THOC1: variants seen among roughly 807,000 people sequenced by gnomAD.
THOC1 encodes the protein THO complex 1.
Under a neutral mutation model 97.3 loss-of-function variants are expected in THOC1, and 29 were observed. The observed-to-expected ratio is 0.30, with a 90% CI of 0.22 to 0.41. The LOEUF is 0.41. THOC1 is among the 10% of genes least tolerant of loss of function. The pLI is 1.00. For missense variants in THOC1, 529 were observed against 761.9 expected, an observed-to-expected ratio of 0.69 and a Z score of 3.60; for synonymous variants, 255 against 257.0, an observed-to-expected ratio of 0.99 and a Z score of 0.07.
At chr18:223,581 C>A (rs1911166790) in intron 16 of THOC1, 76 bp from the exon 17 acceptor site, 2 of 1,159,876 alleles carry the variant, frequency 1.7e-6, no homozygotes, top group Non-Finnish European at 2.5e-6. Context: ...AACAGAAAAA[C>A]AATACAATGT....
At chr18:222,678 T>C (rs200670106) in intron 17 of THOC1, among the ~76,000 whole-genome samples, 1 of 145,604 alleles carries the variant, frequency 6.9e-6, no homozygotes, top group African/African-American at 2.4e-5. Context: ...AAAGAAATAA[T>C]AGAGAATGTG....
chr18:257,345 T>C (rs758885298), intron 7 of THOC1, among the ~76,000 whole-genome samples: 1 of 152,202 alleles, frequency 6.6e-6, no homozygotes, highest in Non-Finnish European at 1.5e-5. Context: ...AAAGTGATAA[T>C]GTATAACAAA....
At position 224,127 on chromosome 18, in the gene THOC1, C is replaced by A; in HGVS notation, c.1261G>T (p.Asp421Tyr). The change falls in exon 16 of 21, where the codon GAC becomes TAC. Residue 421 changes from aspartate to tyrosine, a missense_variant. By Grantham distance (160) the Asp-to-Tyr change is radical. Coordinates refer to ENST00000261600, the MANE Select transcript of THOC1 (RefSeq NM_005131.3). ...RIIRKRTAPEDFLGKGPTKKI... is the reference protein window; with the variant it reads ...RIIRKRTAPEYFLGKGPTKKI... Reference sequence around the variant, plus strand: ...TTGGTGGGTCCTTTCCCTAGGAAGTCCTCGGGTGCTGTTCTCTTCCGAATT... The same window carrying A: ...TTGGTGGGTCCTTTCCCTAGGAAGTACTCGGGTGCTGTTCTCTTCCGAATT... 1 of 1,611,640 alleles carries A rather than the reference C, an allele frequency of 6.2e-7. No individual in the cohort carries two copies. Among genetic ancestry groups the A allele is most frequent in the Non-Finnish European group, 8.5e-7 (1 of 1,178,868 alleles).
chr18:228,523 G>GA (rs2143183093), intron 11 of THOC1, among the ~76,000 whole-genome samples: 1 of 99,420 alleles, frequency 1.0e-5, no homozygotes. Flanking sequence ...TAAAATGTAA[G>GA]GGGGAAAAAA....
intron 1 of THOC1, among the ~76,000 whole-genome samples, chr18:267,717 G>T (rs2143319618): frequency 6.6e-6 from 1 of 152,314 alleles, no homozygotes; most frequent in Non-Finnish European, 1.5e-5. Flanking sequence ...CAAGCGGGGA[G>T]CCGAGGCGCC....
intron 11 of THOC1, among the ~76,000 whole-genome samples, chr18:237,735 A>G (rs1567849076): frequency 6.6e-6 from 1 of 152,244 alleles, no homozygotes; most frequent in African/African-American, 2.4e-5. Flanking sequence ...ACTAAACTGT[A>G]CAATAGTTTT....
intron 7 of THOC1, among the ~76,000 whole-genome samples, chr18:257,332 G>T (rs1912467064): frequency 1.3e-5 from 2 of 152,202 alleles, no homozygotes; most frequent in South Asian, 2.1e-4. Flanking sequence ...TTATATTAAT[G>T]AAAAAGTGAT....
At position 264,102 on chromosome 18, in the gene THOC1, G is replaced by A. The variant is rs753214553; in HGVS notation, c.190-10C>T. On this transcript the variant is annotated splice_polypyrimidine_tract_variant and intron_variant, in intron 3 of 20. Coordinates refer to ENST00000261600, the MANE Select transcript of THOC1 (RefSeq NM_005131.3). ...ATGATGAATGATTTATCTACCAACAGAGGAGAAACAATTTAATTTAGGGGC... is the reference window on the plus strand; with the variant it reads ...ATGATGAATGATTTATCTACCAACAAAGGAGAAACAATTTAATTTAGGGGC... The A allele has an allele frequency of 4.4e-6, 7 of 1,601,404 alleles. No homozygotes were observed. The Admixed American group carries it at 1.2e-4, about 27-fold the overall frequency.
intron 4 of THOC1, among the ~76,000 whole-genome samples, chr18:263,235 C>T (rs1361930752): frequency 1.3e-5 from 2 of 152,164 alleles, no homozygotes; most frequent in African/African-American, 4.8e-5. Context: ...CGCCCGACAC[C>T]GCGCCCGGCT....
At chr18:218,656 T>C (rs1216918125) in intron 18 of THOC1, among the ~76,000 whole-genome samples, 1 of 152,090 alleles carries the variant, frequency 6.6e-6, no homozygotes, top group Non-Finnish European at 1.5e-5. Flanking sequence ...GGGGAGTTTT[T>C]TTTTTCTTAT....
intron 17 of THOC1, among the ~76,000 whole-genome samples, chr18:219,541 CT>C (rs1163463621): frequency 6.6e-6 from 1 of 152,214 alleles, no homozygotes; most frequent in Non-Finnish European, 1.5e-5. Flanking sequence ...TGGCCCCATA[CT>C]TTTAGTTACA....
intron 20 of THOC1, among the ~76,000 whole-genome samples, chr18:215,176 A>AC (rs1162265775): frequency 6.6e-6 from 1 of 152,174 alleles, no homozygotes; most frequent in Non-Finnish European, 1.5e-5. Context: ...CCAATAATTA[A>AC]CAGAGGTATG....
In THOC1 at chr18:225,069, T is replaced by C; in HGVS notation, c.1137+20A>G. The stretch of plus-strand genomic sequence containing the variant: ...TCTATTTCGTGCTAAGAAGAGGATG[T>C]AAGCATAAAAAACACATACCTCTAC... On this transcript the variant is annotated intron_variant, in intron 14 of 20. Transcript: ENST00000261600. The C allele has an allele frequency of 6.4e-7, 1 of 1,570,076 alleles. No homozygotes were observed. The highest frequency in any genetic ancestry group is 1.2e-5 in the South Asian group (1 of 85,786).
chr18:215,115 A>G (rs1049900835), intron 20 of THOC1, among the ~76,000 whole-genome samples, 194 bp from the exon 21 acceptor site: 2 of 152,194 alleles, frequency 1.3e-5, no homozygotes, highest in Non-Finnish European at 2.9e-5. Flanking sequence ...TAAAGCTGTT[A>G]CCTATAATTA....
rs186300534 is a variant in THOC1, at chr18:223,809, C to T, written c.1304+275G>A. On this transcript the variant is annotated intron_variant, in intron 16 of 20. Transcript: ENST00000261600. ...TAAGAGAACTCAAGGATTATGGTACCTTGCAACAACTGGAATCTAAACAAT... is the reference window on the plus strand; with the variant it reads ...TAAGAGAACTCAAGGATTATGGTACTTTGCAACAACTGGAATCTAAACAAT... 2.6e-5 allele frequency among the ~76,000 whole-genome samples: 4 copies of T among 152,090 alleles called. No individual in the cohort carries two copies. In the East Asian group the frequency reaches 5.8e-4, roughly 22 times the overall value.
chr18:221,664 A>C (rs34855030), intron 17 of THOC1, among the ~76,000 whole-genome samples: 3,680 of 134,856 alleles, frequency 0.027, 80 homozygotes, highest in Middle Eastern at 0.09. Context: ...GCTGGAGTGC[A>C]GTGGTGCGAT....
intron 10 of THOC1, 52 bp downstream of exon 10, chr18:247,797 A>G: frequency 9.2e-7 from 1 of 1,092,274 alleles, no homozygotes; most frequent in East Asian, 2.4e-5. Flanking sequence ...TTTTAGCTCT[A>G]TCACTGTCTA....
chr18:249,720 G>A (rs1037722935), intron 9 of THOC1, among the ~76,000 whole-genome samples: 1 of 150,472 alleles, frequency 6.6e-6, no homozygotes, highest in Non-Finnish European at 1.5e-5. Flanking sequence ...AAAGTAAATA[G>A]AGAAAAGAAA....
At chr18:258,519 TA>T (rs1259786566) in intron 7 of THOC1, among the ~76,000 whole-genome samples, 1 of 152,144 alleles carries the variant, frequency 6.6e-6, no homozygotes, top group Non-Finnish European at 1.5e-5. Flanking sequence ...TAACATATGC[TA>T]TAGGTCTTTC....
Sources: allele counts gnomAD v4.1 joint callset (sites outside exome capture counted in the v4.1 genomes callset), GRCh38; gene constraint gnomAD v4.1.1; transcripts MANE v1.5; gene names NCBI Gene and HGNC (gene_info 2026-07-23, HGNC 2026-07-21).